Variants in CSMD3 observed in about 807,000 individuals in gnomAD.
The protein encoded by CSMD3 is CUB and sushi domain-containing protein 3.
CSMD3 carries 177 observed loss-of-function variants against 435.2 expected under a neutral mutation model. That is an observed-to-expected ratio of 0.41 (90% CI 0.36 to 0.46). CSMD3 has a LOEUF of 0.46. CSMD3 is among the 20% of genes least tolerant of loss of function. The pLI is 0.34. For synonymous variants in CSMD3, 1,656 were observed against 1,520.5 expected, an observed-to-expected ratio of 1.09 and a Z score of -2.07; for missense variants, 4,265 against 4,504.6, an observed-to-expected ratio of 0.95 and a Z score of 1.52.
intron 1 of CSMD3, among the ~76,000 whole-genome samples, chr8:113,431,116 GAGGTAGGTATACCT>G (rs2094669986): frequency 6.6e-6 from 1 of 152,162 alleles, no homozygotes; most frequent in Admixed American, 6.5e-5. Context: ...TGCAGGCATG[GAGGTAGGTATACCT>G]GGAAATACCG....
intron 10 of CSMD3, among the ~76,000 whole-genome samples, chr8:112,913,885 T>C (rs1193821376): frequency 6.6e-6 from 1 of 151,950 alleles, no homozygotes; most frequent in Non-Finnish European, 1.5e-5. Context: ...TAATCGTCTT[T>C]GAACGGAATG....
chr8:113,295,672 G>A (rs1416507232), intron 2 of CSMD3, among the ~76,000 whole-genome samples: 2 of 152,154 alleles, frequency 1.3e-5, no homozygotes, highest in Non-Finnish European at 2.9e-5. Context: ...TGGGCGAATT[G>A]CCTAAGCTTA....
chr8:113,205,167 G>A (rs1195192581), intron 3 of CSMD3, among the ~76,000 whole-genome samples: 1 of 152,074 alleles, frequency 6.6e-6, no homozygotes, highest in Non-Finnish European at 1.5e-5. Flanking sequence ...TATTTTAGTA[G>A]AGACGGGGTT....
rs1833510166 is a variant in CSMD3, at chr8:112,614,441, A to T, written c.3715+22376T>A. Among the ~76,000 whole-genome samples, 3 of 152,042 alleles carry T rather than the reference A, an allele frequency of 2.0e-5. No individual in the cohort carries two copies. In the South Asian group the frequency reaches 6.2e-4, roughly 32 times the overall value. ...AACCAAAGCCTTTGTAATGACCCACAGAACCCCACCCGGTATACTGTTATC... is the reference window on the plus strand; with the variant it reads ...AACCAAAGCCTTTGTAATGACCCACTGAACCCCACCCGGTATACTGTTATC... On this transcript the variant is annotated intron_variant, in intron 22 of 70. Coordinates refer to ENST00000297405, the MANE Select transcript of CSMD3 (RefSeq NM_198123.2).
intron 1 of CSMD3, among the ~76,000 whole-genome samples, chr8:113,380,935 G>A (rs2094412482): frequency 6.6e-6 from 1 of 151,958 alleles, no homozygotes; most frequent in Non-Finnish European, 1.5e-5. Context: ...AGAAAAGAAA[G>A]AGAAAAAGGC....
At chr8:112,902,576 T>C (rs1021331192) in intron 10 of CSMD3, among the ~76,000 whole-genome samples, 2 of 151,266 alleles carry the variant, frequency 1.3e-5, no homozygotes, top group Non-Finnish European at 3.0e-5. Context: ...GCTGTGGCTG[T>C]TCAAGCTCAG....
At chr8:112,677,649 A>C (rs1264616091) in intron 16 of CSMD3, among the ~76,000 whole-genome samples, 1 of 151,880 alleles carries the variant, frequency 6.6e-6, no homozygotes, top group African/African-American at 2.4e-5. Context: ...TGAATTTGAA[A>C]TGATCATTTG....
intron 7 of CSMD3, among the ~76,000 whole-genome samples, chr8:112,956,247 T>C (rs1330535448): frequency 6.6e-6 from 1 of 152,010 alleles, no homozygotes; most frequent in Admixed American, 6.6e-5. Context: ...TCCTTATTCA[T>C]GGTGAAAAAA....
intron 5 of CSMD3, among the ~76,000 whole-genome samples, chr8:113,063,220 T>C (rs909223183): frequency 3.3e-5 from 5 of 151,828 alleles, no homozygotes; most frequent in East Asian, 1.9e-4. Flanking sequence ...AGTGATAGAA[T>C]TGAGATTAGA....
At chr8:112,538,212 A>G (rs1250579023) in intron 27 of CSMD3, among the ~76,000 whole-genome samples, 2 of 152,086 alleles carry the variant, frequency 1.3e-5, no homozygotes, top group African/African-American at 2.4e-5. Flanking sequence ...AACAAAGGCC[A>G]TATACAACAA....
At chr8:112,836,255 G>A (rs140038128) in intron 11 of CSMD3, among the ~76,000 whole-genome samples, 136 of 151,958 alleles carry the variant, frequency 8.9e-4, no homozygotes, top group African/African-American at 3.2e-3. Flanking sequence ...AAATGGGTCT[G>A]GAGAGGTATT....
chr8:112,690,018 T>A lies in CSMD3; in HGVS notation c.2005A>T (p.Thr669Ser), dbSNP rs780445347. ...IEKESCGDPG[T>S]PLYGIREGDG... Reference sequence around the variant, plus strand: ...CCTTCTCTAATTCCATATAAGGGTGTACCAGGATCACCACAACTTTCTTTC... The same window carrying A: ...CCTTCTCTAATTCCATATAAGGGTGAACCAGGATCACCACAACTTTCTTTC... The change falls in exon 14 of 71, where the codon ACA becomes TCA. Residue 669 changes from threonine to serine, a missense_variant. By Grantham distance (58) the Thr-to-Ser change is moderately conservative. This residue lies in a region of CSMD3 where 279 missense variants were observed against 369.0 expected (regional missense o/e 0.76). Coordinates refer to ENST00000297405, the MANE Select transcript of CSMD3 (RefSeq NM_198123.2). 8 of 1,613,188 alleles carry A rather than the reference T, an allele frequency of 5.0e-6. No homozygotes were observed. In the South Asian group the frequency reaches 8.8e-5, roughly 18 times the overall value.
chr8:112,817,116 A>T (rs528780400), intron 12 of CSMD3, among the ~76,000 whole-genome samples: 1 of 152,244 alleles, frequency 6.6e-6, no homozygotes, highest in African/African-American at 2.4e-5. Context: ...TTAATAGAAG[A>T]TATTTTAAAC....
At chr8:112,253,329 A>T (rs1356207144) in intron 63 of CSMD3, among the ~76,000 whole-genome samples, 2 of 151,944 alleles carry the variant, frequency 1.3e-5, no homozygotes, top group African/African-American at 4.8e-5. Context: ...ACTCATTTTT[A>T]CACTTTTGTA....
intron 59 of CSMD3, among the ~76,000 whole-genome samples, chr8:112,280,884 A>G (rs1052667688): frequency 6.6e-6 from 1 of 152,124 alleles, no homozygotes; most frequent in African/African-American, 2.4e-5. Flanking sequence ...AATTGCAGCT[A>G]TAAATCATCA....
At chr8:112,883,572 TAG>T (rs967101160) in intron 10 of CSMD3, among the ~76,000 whole-genome samples, 2 of 151,964 alleles carry the variant, frequency 1.3e-5, no homozygotes, top group African/African-American at 4.8e-5. Context: ...GTAATAATTT[TAG>T]AGTCACAGAG....
intron 1 of CSMD3, among the ~76,000 whole-genome samples, chr8:113,383,368 C>G (rs2094425542): frequency 6.6e-6 from 1 of 152,088 alleles, no homozygotes; most frequent in Admixed American, 6.6e-5. Context: ...CATAAAGGGA[C>G]ACACATATTT....
chr8:112,674,066 A>T (rs2075718211), intron 16 of CSMD3, among the ~76,000 whole-genome samples: 1 of 152,048 alleles, frequency 6.6e-6, no homozygotes, highest in Admixed American at 6.6e-5. Flanking sequence ...ATCCAGTTCA[A>T]TTTAAAACTG....
chr8:112,789,937 T>C (rs951725177), intron 13 of CSMD3, among the ~76,000 whole-genome samples: 1 of 151,964 alleles, frequency 6.6e-6, no homozygotes, highest in Non-Finnish European at 1.5e-5. Flanking sequence ...CTGACAGATA[T>C]TTATTATTCA....
Sources: allele counts gnomAD v4.1 joint callset (sites outside exome capture counted in the v4.1 genomes callset), GRCh38; gene constraint gnomAD v4.1.1; regional missense constraint gnomAD v4.1.1; transcripts MANE v1.5; gene names NCBI Gene and HGNC (gene_info 2026-07-23, HGNC 2026-07-21).